The following FARP1 variants were observed in gnomAD, a reference collection of about 807,000 sequenced individuals.
FARP1 encodes the protein FERM, ARHGEF and pleckstrin domain-containing protein 1.
FARP1 carries 52 observed loss-of-function variants against 128.8 expected under a neutral mutation model. The ratio of observed to expected loss-of-function variants is 0.40; its 90% CI spans 0.32 to 0.51. FARP1 has a LOEUF of 0.51. FARP1 is among the 20% of genes least tolerant of loss of function. The pLI is 0.45. For synonymous variants in FARP1, 580 were observed against 551.8 expected (o/e 1.05, Z -0.72); for missense variants, 1,333 against 1,367.9 (o/e 0.97, Z 0.40).
intron 5 of FARP1, among the ~76,000 whole-genome samples, chr13:98,376,114 A>G (rs1259066139): frequency 6.6e-6 from 1 of 152,198 alleles, no homozygotes; most frequent in East Asian, 1.9e-4. Context: ...TATGACCTTA[A>G]GTATTTATCC....
At chr13:98,296,964 C>T (rs1885724052) in intron 2 of FARP1, among the ~76,000 whole-genome samples, 1 of 152,010 alleles carries the variant, frequency 6.6e-6, no homozygotes, top group Non-Finnish European at 1.5e-5. Flanking sequence ...ATTACACGGC[C>T]CTAAATGACT....
intron 1 of FARP1, chr13:98,177,096 G>T (rs1207482065): frequency 6.3e-7 from 1 of 1,599,888 alleles, no homozygotes; most frequent in Non-Finnish European, 8.5e-7. Flanking sequence ...CCCCGCTGCT[G>T]CTGCTCTCTC....
intron 2 of FARP1, among the ~76,000 whole-genome samples, chr13:98,327,426 G>C (rs1162095541): frequency 6.6e-6 from 1 of 152,188 alleles, no homozygotes; most frequent in African/African-American, 2.4e-5. Flanking sequence ...TTAAAACGGT[G>C]CTTGTTAGGA....
intron 1 of FARP1, among the ~76,000 whole-genome samples, chr13:98,150,112 C>T (rs1349482946): frequency 6.6e-6 from 1 of 151,786 alleles, no homozygotes; most frequent in Non-Finnish European, 1.5e-5. Flanking sequence ...AATCTTGGCG[C>T]ACTGCAACCT....
Position 98,448,957 on chromosome 13 carries a change from T to C in FARP1, c.*640T>C, listed in dbSNP as rs1415817178. 2.0e-5 allele frequency: 3 copies of C among 152,224 alleles called. No homozygotes were observed. Among genetic ancestry groups the C allele is most frequent in the African/African-American group, 4.8e-5 (2 of 41,458 alleles). The allele number at this position is 152,224 out of a possible 1,614,324, so 9.4% of individuals were successfully genotyped here. A position where few individuals can be genotyped will look rare whatever the true frequency, so the allele number is the denominator to read the frequency against. On this transcript the variant is annotated 3_prime_UTR_variant, in exon 27 of 27. Coordinates refer to ENST00000319562, the MANE Select transcript of FARP1 (RefSeq NM_005766.4). Reference sequence around the variant, plus strand: ...TTCCCAACCTACTTCTTGGTGCAAGTTGACCAAATCGTTTTAAGTGGTAAC... The same window carrying C: ...TTCCCAACCTACTTCTTGGTGCAAGCTGACCAAATCGTTTTAAGTGGTAAC...
At chr13:98,435,316 G>A (rs1202942072) in intron 18 of FARP1, 5 of 297,412 alleles carry the variant, frequency 1.7e-5, no homozygotes, top group Middle Eastern at 9.9e-4. Context: ...CAACAGGTCC[G>A]TCTAATTGAA....
intron 2 of FARP1, among the ~76,000 whole-genome samples, chr13:98,276,733 A>G (rs1884670831): frequency 6.6e-6 from 1 of 152,204 alleles, no homozygotes; most frequent in Admixed American, 6.5e-5. Flanking sequence ...TAGGAAGAAT[A>G]AATGAACCAT....
At chr13:98,145,773 A>T (rs1875490956) in intron 1 of FARP1, among the ~76,000 whole-genome samples, 1 of 151,198 alleles carries the variant, frequency 6.6e-6, no homozygotes, top group African/African-American at 2.4e-5. Context: ...AAGCCAGGAG[A>T]ATCGCCTGAA....
chr13:98,369,474 C>G (rs182231655), intron 5 of FARP1, among the ~76,000 whole-genome samples: 101 of 151,426 alleles, frequency 6.7e-4, no homozygotes, highest in Middle Eastern at 6.8e-3. Flanking sequence ...ATTAACTCCT[C>G]ATTTAGCATT....
chr13:98,452,350 A>C lies in FARP1; in HGVS notation c.*4033A>C, dbSNP rs1227267965. 1 of 152,640 alleles carries C rather than the reference A, an allele frequency of 6.6e-6. No individual in the cohort carries two copies. Among genetic ancestry groups the C allele is most frequent in the East Asian group, 1.9e-4 (1 of 5,196 alleles). 9.5% of individuals were successfully genotyped at this position (152,640 alleles called of 1,614,324 possible). A position where few individuals can be genotyped will look rare whatever the true frequency, so the allele number is the denominator to read the frequency against. On this transcript the variant is annotated 3_prime_UTR_variant, in exon 27 of 27. Coordinates refer to ENST00000319562, the MANE Select transcript of FARP1 (RefSeq NM_005766.4). ...GCTTCATGGGGAGAAACTGAAAATT[A>C]TAATTTAAAGCTTCATGAGGCAAGA...
At chr13:98,336,560 C>T (rs930615823) in intron 2 of FARP1, among the ~76,000 whole-genome samples, 4 of 152,230 alleles carry the variant, frequency 2.6e-5, no homozygotes, top group African/African-American at 9.7e-5. Flanking sequence ...GTGTGAGCCA[C>T]TGTGCCCGGC....
Position 98,248,933 on chromosome 13 carries a change from GGGAA to G in FARP1, c.171+35522_171+35525del, listed in dbSNP as rs1161065445. Among the ~76,000 whole-genome samples, 31 of 152,198 alleles carry G rather than the reference GGGAA, an allele frequency of 2.0e-4. 1 individual carries two copies. Among genetic ancestry groups the G allele is most frequent in the Admixed American group, 1.8e-3 (28 of 15,288 alleles). ...TGCCTTACAGAGAAAACGGGTGTTA[GGGAA>G]GCTTCATTTAGGCATAAGTTCTAGT... is the stretch of plus-strand genomic sequence containing the variant. On this transcript the variant is annotated intron_variant, in intron 2 of 26. Transcript: ENST00000319562.
intron 13 of FARP1, 145 bp downstream of exon 13, chr13:98,395,621 A>G (rs1404039230): frequency 3.0e-5 from 30 of 1,002,516 alleles, no homozygotes; most frequent in East Asian, 1.0e-4. Flanking sequence ...ACAAATGACA[A>G]TTATGAGGGT....
At chr13:98,195,745 G>A (rs1301221063) in intron 1 of FARP1, among the ~76,000 whole-genome samples, 2 of 152,104 alleles carry the variant, frequency 1.3e-5, no homozygotes, top group Admixed American at 6.5e-5. Context: ...AACGACTACC[G>A]GCCAGGTGTG....
At chr13:98,156,140 A>G (rs1876481961) in intron 1 of FARP1, among the ~76,000 whole-genome samples, 2 of 152,222 alleles carry the variant, frequency 1.3e-5, no homozygotes, top group African/African-American at 2.4e-5. Flanking sequence ...TGGATTCTAA[A>G]TAACTAATTA....
chr13:98,267,704 C>T (rs575219289), intron 2 of FARP1, among the ~76,000 whole-genome samples: 1 of 152,354 alleles, frequency 6.6e-6, no homozygotes, highest in East Asian at 1.9e-4. Context: ...GTCCCCTCAC[C>T]CTGCAGGCGC....
At chr13:98,315,619 TGAG>T (rs1250331607) in intron 2 of FARP1, among the ~76,000 whole-genome samples, 3 of 152,134 alleles carry the variant, frequency 2.0e-5, no homozygotes, top group African/African-American at 7.2e-5. Context: ...CTGGGAAGGC[TGAG>T]GAGTGCAGCA....
At chr13:98,353,126 A>G (rs1451064337) in intron 3 of FARP1, among the ~76,000 whole-genome samples, 1 of 152,168 alleles carries the variant, frequency 6.6e-6, no homozygotes, top group Non-Finnish European at 1.5e-5. Flanking sequence ...GAAGCCATTC[A>G]TGAGTCTCAA....
intron 13 of FARP1, chr13:98,405,546 G>C (rs77186189): frequency 6.6e-6 from 1 of 152,178 alleles, no homozygotes; most frequent in Non-Finnish European, 1.5e-5. Context: ...TCATGGGGAA[G>C]AGGTGAAGGA....
Sources: gnomAD v4.1 joint callset for allele counts (sites outside exome capture counted in the v4.1 genomes callset) on GRCh38, gnomAD v4.1.1 for gene constraint, MANE v1.5 for transcripts, NCBI Gene and HGNC (gene_info 2026-07-23, HGNC 2026-07-21) for gene names.